Variants in THBS2 observed in about 807,000 individuals in gnomAD.
The protein encoded by THBS2 is thrombospondin 2.
A neutral mutation model predicts 135.2 loss-of-function variants in THBS2; 47 were observed. The observed-to-expected ratio is 0.35, with a 90% CI of 0.28 to 0.44. The LOEUF (loss-of-function observed/expected upper bound fraction) is 0.44. THBS2 is among the 20% of genes least tolerant of loss of function. The pLI is 1.00. For missense variants in THBS2, 1,288 were observed against 1,603.1 expected (o/e 0.80, Z 3.36); for synonymous variants, 639 against 633.8 (o/e 1.01, Z -0.12).
rs1421252604 is a variant in THBS2, at chr6:169,216,884, C to T, written c.*938G>A. The T allele has an allele frequency of 6.6e-6, 1 of 152,156 alleles. No homozygotes were observed. The highest frequency in any genetic ancestry group is 2.4e-5 in the African/African-American group (1 of 41,436). The allele number at this position is 152,156 out of a possible 1,614,324, so 9.4% of individuals were successfully genotyped here. On this transcript the variant is annotated 3_prime_UTR_variant, in exon 22 of 22. Transcript: ENST00000617924. ...AATGTATCATCAAATCAGGTAAAAG[C>T]AACTTGTCCGCAGTTACCAAAGCCT...
Position 169,223,345 on chromosome 6 carries a change from A to G in THBS2, c.2904T>C (p.Asp968=), listed in dbSNP as rs1233346690. 6.2e-7 allele frequency: 1 copy of G among 1,614,144 alleles called. No homozygotes were observed. The highest frequency in any genetic ancestry group is 1.1e-5 in the South Asian group (1 of 91,086). The change falls in exon 18 of 22, where the codon GAT becomes GAC. Residue 968 remains aspartate (D), a synonymous_variant. Transcript: ENST00000617924. ...GATCAATTTGGGTGGTCCCTTTGGG[A>G]TCCAAGGGGACCATCTGGAAGTTCC... ...DFRNFQMVPL[D]PKGTTQIDPN...
chr6:169,223,148 A>C (rs1779493144), intron 18 of THBS2, 100 bp downstream of exon 18: 3 of 1,123,090 alleles, frequency 2.7e-6, no homozygotes, highest in Non-Finnish European at 3.8e-6. Context: ...GAAAGACCAC[A>C]TGGCATCCCA....
At chr6:169,219,311 A>T (rs1779328888) in intron 21 of THBS2, among the ~76,000 whole-genome samples, 1 of 81,168 alleles carries the variant, frequency 1.2e-5, no homozygotes, top group Non-Finnish European at 2.4e-5. Flanking sequence ...GGGTGGTTGG[A>T]TGGATGAGAT....
chr6:169,221,335 G>A (rs1779422513), intron 20 of THBS2, 95 bp downstream of exon 20: 2 of 1,124,418 alleles, frequency 1.8e-6, no homozygotes, highest in Admixed American at 1.8e-5. Context: ...CAAAAAGTTA[G>A]AATTCACTTG....
In THBS2 at chr6:169,241,868, C is replaced by T. The variant is rs1411476548; in HGVS notation, c.785G>A (p.Arg262Lys). The T allele has an allele frequency of 6.2e-7, 1 of 1,612,508 alleles. No individual in the cohort carries two copies. Among genetic ancestry groups the T allele is most frequent in the East Asian group, 2.2e-5 (1 of 44,864 alleles). Residue 262 changes from arginine to lysine, a missense_variant, in exon 5 of 22, where the codon AGG (arginine) becomes AAG (lysine). Arg to Lys is a conservative substitution (Grantham distance 26). Around this residue, in one of 2 missense-constraint regions of THBS2, gnomAD observed 414 missense variants for 447.0 expected, o/e 0.93. Coordinates refer to ENST00000617924, the MANE Select transcript of THBS2 (RefSeq NM_003247.5). The surrounding 1 kb of genome is among the most constrained non-coding windows in gnomAD (Gnocchi z 5.5). ...GCACGAGCGTTCGCACACCTCGGGCCTCCTCTCCGAGCTGGGGCCCACGTA... is the reference window on the plus strand; with the variant it reads ...GCACGAGCGTTCGCACACCTCGGGCTTCCTCTCCGAGCTGGGGCCCACGTA... ...TEYVGPSSERRPEVCERSCEE... is the reference protein window; with the variant it reads ...TEYVGPSSERKPEVCERSCEE...
chr6:169,240,572 G>A lies in THBS2; in HGVS notation c.912C>T (p.Leu304=), dbSNP rs924504931. The change falls in exon 6 of 22, where the codon CTC becomes CTT. Residue 304 remains leucine (L), a synonymous_variant. Coordinates refer to ENST00000617924, the MANE Select transcript of THBS2 (RefSeq NM_003247.5). ...TAGGAGGGCCACCAATGAGCTCCCA[G>A]AGAAACTGGTTATCATTCGACTGGA... is the stretch of plus-strand genomic sequence containing the variant. ...LKRVSNDNQF[L]WELIGGPPKT... 1.2e-6 allele frequency: 2 copies of A among 1,613,944 alleles called. No individual in the cohort carries two copies. Among genetic ancestry groups the A allele is most frequent in the Non-Finnish European group, 1.7e-6 (2 of 1,179,930 alleles).
chr6:169,220,974 A>T (rs752574794), intron 20 of THBS2, among the ~76,000 whole-genome samples: 2 of 152,236 alleles, frequency 1.3e-5, no homozygotes, highest in African/African-American at 4.8e-5. Flanking sequence ...AATTGACCAC[A>T]TTTTGTTTGA....
At chr6:169,220,595 A>G (rs1779388643) in intron 20 of THBS2, among the ~76,000 whole-genome samples, 1 of 152,298 alleles carries the variant, frequency 6.6e-6, no homozygotes, top group East Asian at 1.9e-4. Flanking sequence ...TCACCCAGGC[A>G]AGGGCTTTAG....
At chr6:169,227,933 T>A (rs1235898887) in intron 15 of THBS2, among the ~76,000 whole-genome samples, 189 bp downstream of exon 15, 2 of 151,934 alleles carry the variant, frequency 1.3e-5, no homozygotes, top group Non-Finnish European at 2.9e-5. Context: ...AATACAAAAT[T>A]AGCTAGGCGT....
intron 15 of THBS2, among the ~76,000 whole-genome samples, chr6:169,227,564 G>C (rs375236872): frequency 6.6e-6 from 1 of 152,198 alleles, no homozygotes; most frequent in South Asian, 2.1e-4. Flanking sequence ...CTGCAAGGCT[G>C]GGGTCAGAGA....
chr6:169,247,622 G>A (rs1403658224), intron 3 of THBS2, among the ~76,000 whole-genome samples: 2 of 152,210 alleles, frequency 1.3e-5, no homozygotes, highest in Non-Finnish European at 2.9e-5. Flanking sequence ...GTGTATGTGT[G>A]TGTTCACATG....
At chr6:169,248,994 G>T (rs2115035911) in intron 2 of THBS2, 21 bp from the exon 3 acceptor site, 1 of 1,577,644 alleles carries the variant, frequency 6.3e-7, no homozygotes, top group Non-Finnish European at 8.6e-7. Context: ...AACCGCAGTG[G>T]AGAAGGGTGA....
Position 169,248,897 on chromosome 6 carries a change from C to T in THBS2, c.129G>A (p.Lys43=), listed in dbSNP as rs772365922. Residue 43 remains lysine (K), a synonymous_variant, in exon 3 of 22, where the codon AAG becomes AAA. Transcript: ENST00000617924. ...SNINRKTIGA[K]QFRGPDPGVP... ...CGCCGGGGTCGGGCCCGCGGAACTG[C>T]TTGGCGCCAATGGTCTTGCGGTTGA... 6.2e-7 allele frequency: 1 copy of T among 1,613,568 alleles called. No individual in the cohort carries two copies. The highest frequency in any genetic ancestry group is 1.1e-5 in the South Asian group (1 of 91,066).
rs1780133418 is a variant in THBS2 at position 169,237,318 on chromosome 6, C to T, written c.1329G>A (p.Trp443Ter). 1 of 1,613,166 alleles carries T rather than the reference C, an allele frequency of 6.2e-7. No homozygotes were observed. Among genetic ancestry groups the T allele is most frequent in the Non-Finnish European group, 8.5e-7 (1 of 1,180,020 alleles). ...TCACAGAGCATGAAGACCAAGGTGA[C>T]CAGTGGCTCCAGCCGCCGTCCTGCC... The part of the protein sequence containing the change: ...RIRQDGGWSH[W>*]SPWSSCSVTC... Residue 443 changes from tryptophan to a stop codon, truncating the protein, a stop_gained, in exon 9 of 22, where the codon TGG becomes TGA. Transcript: ENST00000617924. LOFTEE classifies it high-confidence loss of function.
intron 9 of THBS2, among the ~76,000 whole-genome samples, chr6:169,236,357 C>CA (rs1423051988): frequency 1.8e-5 from 2 of 113,976 alleles, no homozygotes; most frequent in African/African-American, 3.1e-5. Context: ...CATCCACACT[C>CA]CCCATCCACA....
At chr6:169,242,443 AC>A (rs1035464743) in intron 4 of THBS2, among the ~76,000 whole-genome samples, 36 of 149,908 alleles carry the variant, frequency 2.4e-4, no homozygotes, top group Non-Finnish European at 4.8e-4. Flanking sequence ...ATCCCCAAAC[AC>A]CCTTTCTTAT....
chr6:169,240,346 C>T (rs1472074445), intron 6 of THBS2, 106 bp downstream of exon 6: 3 of 1,443,382 alleles, frequency 2.1e-6, no homozygotes, highest in Non-Finnish European at 1.9e-6. Flanking sequence ...CATAGCTGAA[C>T]CGGTTTCACA....
At chr6:169,238,611 G>A (rs1446191254) in intron 7 of THBS2, among the ~76,000 whole-genome samples, 1 of 152,154 alleles carries the variant, frequency 6.6e-6, no homozygotes, top group African/African-American at 2.4e-5. Context: ...TACGCATATT[G>A]AATTGTTGGT....
intron 4 of THBS2, among the ~76,000 whole-genome samples, chr6:169,242,795 C>A: frequency 8.2e-6 from 1 of 122,290 alleles, no homozygotes; most frequent in African/African-American, 3.1e-5. Flanking sequence ...CCCACCACTC[C>A]CACCTTCCCA....
Sources: allele counts gnomAD v4.1 joint callset (sites outside exome capture counted in the v4.1 genomes callset), GRCh38; gene constraint gnomAD v4.1.1; regional missense constraint gnomAD v4.1.1; non-coding constraint Gnocchi (gnomAD v3.1); transcripts MANE v1.5; gene names NCBI Gene and HGNC (gene_info 2026-07-23, HGNC 2026-07-21).